Variants in FAM120B observed in about 807,000 individuals in gnomAD.
FAM120B encodes constitutive coactivator of peroxisome proliferator-activated receptor gamma.
Under a neutral mutation model 96.3 loss-of-function variants are expected in FAM120B, and 83 were observed. The observed-to-expected ratio is 0.86, with a 90% CI of 0.72 to 1.03. The LOEUF is 1.03. FAM120B is among the 50% of genes least tolerant of loss of function. FAM120B has a pLI of 0.00. For missense variants in FAM120B, 1,027 were observed against 1,121.2 expected, an observed-to-expected ratio of 0.92 and a Z score of 1.20; for synonymous variants, 407 against 402.7, an observed-to-expected ratio of 1.01 and a Z score of -0.13.
At chr6:170,310,540 C>G (rs1481588804) in intron 1 of FAM120B, among the ~76,000 whole-genome samples, 1 of 152,178 alleles carries the variant, frequency 6.6e-6, no homozygotes, top group African/African-American at 2.4e-5. Flanking sequence ...TCCTGCCCTC[C>G]TTGTTAATTA....
intron 9 of FAM120B, among the ~76,000 whole-genome samples, chr6:170,398,061 G>A (rs1778282240): frequency 6.6e-6 from 1 of 152,254 alleles, no homozygotes; most frequent in Non-Finnish European, 1.5e-5. Flanking sequence ...CAGTCCAGAT[G>A]GGAGGATGGG....
At chr6:170,359,981 G>T (rs1788234187) in intron 6 of FAM120B, among the ~76,000 whole-genome samples, 2 of 152,196 alleles carry the variant, frequency 1.3e-5, no homozygotes, top group African/African-American at 2.4e-5. Flanking sequence ...GGCCCTGGTT[G>T]TGGCTGCCAT....
At chr6:170,376,861 G>A (rs950033253) in intron 6 of FAM120B, among the ~76,000 whole-genome samples, 11 of 152,226 alleles carry the variant, frequency 7.2e-5, no homozygotes, top group Non-Finnish European at 1.6e-4. Context: ...TAGAGAAGAG[G>A]AGGAAGTGCC....
intron 3 of FAM120B, among the ~76,000 whole-genome samples, chr6:170,325,833 A>C (rs1785554951): frequency 6.8e-6 from 1 of 146,820 alleles, no homozygotes; most frequent in Admixed American, 7.0e-5. Flanking sequence ...AGATGGGGAC[A>C]AGAGCGAGAC....
rs1428437109 is a variant in FAM120B at position 170,377,835 on chromosome 6, C to T, written c.2284-10452C>T. On this transcript the variant is annotated intron_variant, in intron 6 of 10. Coordinates refer to ENST00000476287, the MANE Select transcript of FAM120B (RefSeq NM_032448.3). The stretch of plus-strand genomic sequence containing the variant: ...CTCACGCTGCTCGGTGCTGTGCACA[C>T]GCGTCCCTAATCCCAGATGCCTGGG... 1.0e-4 allele frequency among the ~76,000 whole-genome samples: 15 copies of T among 146,768 alleles called. 1 individual carries two copies. The highest frequency in any genetic ancestry group is 3.8e-3 in the Middle Eastern group (1 of 266).
chr6:170,358,743 A>G (rs1788140144), intron 6 of FAM120B, among the ~76,000 whole-genome samples: 1 of 152,210 alleles, frequency 6.6e-6, no homozygotes, highest in African/African-American at 2.4e-5. Flanking sequence ...AGCGTTCAGT[A>G]AAGAACTTCA....
chr6:170,400,292 T>G (rs1778482356), intron 9 of FAM120B, among the ~76,000 whole-genome samples: 1 of 151,710 alleles, frequency 6.6e-6, no homozygotes, highest in Non-Finnish European at 1.5e-5. Flanking sequence ...GCCTTAGGAG[T>G]GAGTGGGGAA....
intron 4 of FAM120B, among the ~76,000 whole-genome samples, chr6:170,347,735 A>T (rs1467476237): frequency 6.6e-6 from 1 of 152,174 alleles, no homozygotes; most frequent in Admixed American, 6.5e-5. Flanking sequence ...TTGCACATGA[A>T]AGGTTGAAAA....
intron 6 of FAM120B, among the ~76,000 whole-genome samples, chr6:170,364,726 C>T (rs900862555): frequency 2.6e-5 from 4 of 152,154 alleles, no homozygotes; most frequent in Admixed American, 6.5e-5. Flanking sequence ...GACAGGGATG[C>T]CTGGGGGCCC....
intron 8 of FAM120B, among the ~76,000 whole-genome samples, chr6:170,392,510 TG>T (rs771508808): frequency 1.8e-4 from 27 of 152,270 alleles, no homozygotes; most frequent in Non-Finnish European, 3.5e-4. Flanking sequence ...AATGCTGCTT[TG>T]TCTGTCAGTG....
chr6:170,372,816 T>C (rs536145005), intron 6 of FAM120B, among the ~76,000 whole-genome samples: 56 of 152,336 alleles, frequency 3.7e-4, no homozygotes, highest in African/African-American at 1.3e-3. Flanking sequence ...GGAAGACTTC[T>C]AGTGAAGAGA....
At chr6:170,316,058 CAAA>C (rs35344814) in intron 1 of FAM120B, among the ~76,000 whole-genome samples, 104 of 91,812 alleles carry the variant, frequency 1.1e-3, no homozygotes, top group African/African-American at 1.6e-3. Flanking sequence ...GACCCGGTCT[CAAA>C]AAAAAAAAAA....
upstream of FAM120B, chr6:170,291,024 C>A (rs949163491): frequency 1.4e-6 from 1 of 702,076 alleles, no homozygotes; most frequent in East Asian, 2.7e-5. Context: ...CGAGAGCTGT[C>A]ACAAAGGAGC....
At chr6:170,373,326 T>C (rs565929071) in intron 6 of FAM120B, among the ~76,000 whole-genome samples, 1 of 152,352 alleles carries the variant, frequency 6.6e-6, no homozygotes, top group South Asian at 2.1e-4. Context: ...AGGCCATACC[T>C]TTCAATCATA....
upstream of FAM120B, among the ~76,000 whole-genome samples, chr6:170,291,341 A>C (rs1783866691): frequency 6.6e-6 from 1 of 151,218 alleles, no homozygotes; most frequent in African/African-American, 2.4e-5. Flanking sequence ...GCCCCACTTG[A>C]GCGGCGGGAC....
At chr6:170,328,278 CT>C (rs1202955271) in intron 3 of FAM120B, among the ~76,000 whole-genome samples, 1 of 152,050 alleles carries the variant, frequency 6.6e-6, no homozygotes, top group Non-Finnish European at 1.5e-5. Flanking sequence ...TTTTAAACTT[CT>C]TTGTTAAAAG....
intron 8 of FAM120B, among the ~76,000 whole-genome samples, chr6:170,392,365 G>C (rs530019046): frequency 6.6e-5 from 10 of 152,126 alleles, no homozygotes; most frequent in Admixed American, 6.5e-5. Context: ...GTGCCACCAC[G>C]CCCGGCTAAT....
upstream of FAM120B, among the ~76,000 whole-genome samples, chr6:170,291,785 G>A (rs982756768): frequency 2.0e-5 from 3 of 152,018 alleles, no homozygotes; most frequent in African/African-American, 4.8e-5. Context: ...GGGAGTAGGG[G>A]CCCGGGGGCC....
At chr6:170,314,932 T>C (rs374212754) in intron 1 of FAM120B, among the ~76,000 whole-genome samples, 173 of 152,350 alleles carry the variant, frequency 1.1e-3, no homozygotes, top group African/African-American at 4.0e-3. Context: ...TGTGAGAAAT[T>C]GGTCCTGTGT....
Sources: allele counts gnomAD v4.1 joint callset (sites outside exome capture counted in the v4.1 genomes callset), GRCh38; gene constraint gnomAD v4.1.1; transcripts MANE v1.5; gene names NCBI Gene and HGNC (gene_info 2026-07-23, HGNC 2026-07-21).